The following SLC38A8 variants were observed in gnomAD, a reference collection of about 807,000 sequenced individuals.
The protein encoded by SLC38A8 is amino acid transporter SLC38A8.
SLC38A8 carries 65 observed loss-of-function variants against 46.0 expected under a neutral mutation model. The ratio of observed to expected loss-of-function variants is 1.41; its 90% CI spans 1.16 to 1.74. SLC38A8 has a LOEUF of 1.74. Ranked by LOEUF, SLC38A8 falls within the 40% of genes most tolerant of loss-of-function variation. The pLI, the probability that SLC38A8 is intolerant of heterozygous loss-of-function variation, is 0.00. For missense variants in SLC38A8, 998 were observed against 567.9 expected, an observed-to-expected ratio of 1.76 and a Z score of -7.70; for synonymous variants, 447 against 243.7, an observed-to-expected ratio of 1.83 and a Z score of -7.77.
Position 84,022,852 on chromosome 16 carries a change from C to G in SLC38A8, c.728G>C (p.Arg243Pro). 1 of 1,610,550 alleles carries G rather than the reference C, an allele frequency of 6.2e-7. No homozygotes were observed. Among genetic ancestry groups the G allele is most frequent in the Non-Finnish European group, 8.5e-7 (1 of 1,178,614 alleles). Residue 243 changes from arginine (R) to proline (P), a missense_variant, in exon 7 of 11, where the codon CGC becomes CCC. Arg to Pro is a moderately radical substitution (Grantham distance 103). Coordinates refer to ENST00000299709, the MANE Select transcript of SLC38A8 (RefSeq NM_001080442.3). ...GGCCCAGTGGGAGAGGCTCCGTTTGCGCATGCTGCAGTAGATGGAGACGGC... is the reference window on the plus strand; with the variant it reads ...GGCCCAGTGGGAGAGGCTCCGTTTGGGCATGCTGCAGTAGATGGAGACGGC... ...EAAVSIYCSM[R>P]KRSLSHWALV...
Position 84,041,977 on chromosome 16 carries a change from C to A in SLC38A8, c.181G>T (p.Val61Leu). The stretch of plus-strand genomic sequence containing the variant: ...ACTTCCCGGGGACTTACCAGCTCCA[C>A]CAGGAAGGCAGGGACCACTCCGCCC... The part of the protein sequence containing the change: ...KAGGVVPAFL[V>L]ELVSLVFLIS... The change falls in exon 2 of 11, where the codon GTG becomes TTG. Residue 61 changes from valine to leucine, a missense_variant. Coordinates refer to ENST00000299709, the MANE Select transcript of SLC38A8 (RefSeq NM_001080442.3). The A allele has an allele frequency of 6.3e-7, 1 of 1,591,614 alleles. No homozygotes were observed. The highest frequency in any genetic ancestry group is 8.6e-7 in the Non-Finnish European group (1 of 1,167,680).
intron 6 of SLC38A8, among the ~76,000 whole-genome samples, chr16:84,027,022 T>A (rs183376481): frequency 3.3e-5 from 5 of 152,116 alleles, no homozygotes; most frequent in Admixed American, 2.0e-4. Flanking sequence ...AATGGCACGG[T>A]ATATGCATCC....
At chr16:84,041,877 C>T (rs57933451) in intron 2 of SLC38A8, 92 bp downstream of exon 2, 32,184 of 1,173,862 alleles carry the variant, frequency 0.027, 1,287 homozygotes, top group African/African-American at 0.18. Context: ...TTACAGGACA[C>T]GCAACTCCGC....
intron 3 of SLC38A8, among the ~76,000 whole-genome samples, chr16:84,036,125 G>A (rs929174889): frequency 3.9e-5 from 6 of 152,130 alleles, no homozygotes; most frequent in African/African-American, 1.4e-4. Context: ...AACCGTGAAG[G>A]AATCTAAAAA....
chr16:84,031,445 G>T lies in SLC38A8; in HGVS notation c.632+422C>A, dbSNP rs184103766. On this transcript the variant is annotated intron_variant, in intron 5 of 10. Transcript: ENST00000299709. ...GAGCAAAACCAAACTCCTCGCCGTG[G>T]CTCTGAATCCCTGTACGACATCCCC... Among the ~76,000 whole-genome samples the T allele has an allele frequency of 2.6e-5, 4 of 152,288 alleles. No homozygotes were observed. In the East Asian group the frequency reaches 7.7e-4, roughly 29 times the overall value.
rs1426077513 is a variant in SLC38A8, at chr16:84,016,592, C to CAGCGCCATGGCG, written c.1077_1088dup (p.Ala360_Leu363dup). On this transcript the variant is annotated inframe_insertion, in exon 9 of 11. Transcript: ENST00000299709. ...CGATCTCGCTGAGGTCAGGCATAAA[C>CAGCGCCATGGCG]AGCGCCATGGCGAGCGTCACGGTGA... 1.2e-6 allele frequency: 2 copies of CAGCGCCATGGCG among 1,613,958 alleles called. No homozygotes were observed. Among genetic ancestry groups the CAGCGCCATGGCG allele is most frequent in the Non-Finnish European group, 1.7e-6 (2 of 1,180,032 alleles).
chr16:84,014,886 C>T (rs949040714), intron 9 of SLC38A8, among the ~76,000 whole-genome samples: 6 of 152,140 alleles, frequency 3.9e-5, no homozygotes, highest in African/African-American at 7.2e-5. Context: ...CCCCCACCTC[C>T]GGGGTATTGA....
intron 7 of SLC38A8, among the ~76,000 whole-genome samples, chr16:84,018,598 C>T (rs2085059516): frequency 6.6e-6 from 1 of 152,108 alleles, no homozygotes; most frequent in Non-Finnish European, 1.5e-5. Context: ...ATCCATTAAG[C>T]CCCTGCCCCA....
intron 10 of SLC38A8, among the ~76,000 whole-genome samples, chr16:84,012,723 C>A (rs2084968881): frequency 1.3e-5 from 2 of 152,234 alleles, no homozygotes; most frequent in South Asian, 2.1e-4. Flanking sequence ...AGATGCACCA[C>A]TGGGTGCTTC....
chr16:84,015,375 C>G (rs1012321380), intron 9 of SLC38A8, among the ~76,000 whole-genome samples: 1 of 152,016 alleles, frequency 6.6e-6, no homozygotes, highest in East Asian at 1.9e-4. Flanking sequence ...AACCATCCTT[C>G]GCAGAAACGG....
intron 6 of SLC38A8, among the ~76,000 whole-genome samples, chr16:84,025,682 C>A (rs2085155364): frequency 6.6e-6 from 1 of 152,206 alleles, no homozygotes; most frequent in South Asian, 2.1e-4. Flanking sequence ...ACTCATGAGT[C>A]CTCCTCGGTG....
chr16:84,032,282 G>A (rs1567700940), intron 4 of SLC38A8, among the ~76,000 whole-genome samples: 2 of 152,108 alleles, frequency 1.3e-5, no homozygotes, highest in South Asian at 2.1e-4. Flanking sequence ...TCTGCCTCCC[G>A]GGTTCAAGCA....
chr16:84,029,357 C>T (rs1437439179), intron 6 of SLC38A8, 137 bp downstream of exon 6: 7 of 791,078 alleles, frequency 8.8e-6, no homozygotes, highest in African/African-American at 3.5e-5. Context: ...CACAGGTGGG[C>T]GGCACAGAGC....
At chr16:84,027,947 T>C (rs573871557) in intron 6 of SLC38A8, among the ~76,000 whole-genome samples, 6 of 152,056 alleles carry the variant, frequency 3.9e-5, no homozygotes, top group African/African-American at 1.4e-4. Context: ...ATATTGGGCG[T>C]GCAGGAAGCA....
intron 1 of SLC38A8, 29 bp from the exon 2 acceptor site, chr16:84,042,188 G>A (rs907121221): frequency 2.2e-5 from 35 of 1,583,868 alleles, no homozygotes; most frequent in Non-Finnish European, 2.8e-5. Context: ...TGGAGAGAAA[G>A]CACAGTCTTC....
In SLC38A8 at chr16:84,033,497, C is replaced by T. The variant is rs776011608; in HGVS notation, c.389-28G>A. ...GCCAGAGACACGGGGAGAGCTGAGC[C>T]ACAGAGTACAAATGCCGTGGGTTCT... On this transcript the variant is annotated intron_variant, in intron 3 of 10. Coordinates refer to ENST00000299709, the MANE Select transcript of SLC38A8 (RefSeq NM_001080442.3). 4 of 1,568,356 alleles carry T rather than the reference C, an allele frequency of 2.6e-6. No homozygotes were observed. The African/African-American group carries it at 4.1e-5, about 16-fold the overall frequency.
chr16:84,017,413 T>C (rs1236442846), intron 7 of SLC38A8, 126 bp from the exon 8 acceptor site: 7 of 1,148,318 alleles, frequency 6.1e-6, no homozygotes, highest in Non-Finnish European at 7.3e-6. Flanking sequence ...AAGAAGGTTC[T>C]GGAAGGGATA....
Position 84,036,602 on chromosome 16 carries a change from G to A in SLC38A8, c.388+100C>T, listed in dbSNP as rs2085301738. The A allele has an allele frequency of 3.6e-6, 5 of 1,372,482 alleles. No individual in the cohort carries two copies. In the South Asian group the frequency reaches 5.2e-5, roughly 14 times the overall value. The allele number at this position is 1,372,482 out of a possible 1,614,324, so 85.0% of individuals were successfully genotyped here. A position where few individuals can be genotyped will look rare whatever the true frequency, so the allele number is the denominator to read the frequency against. ...GGTTTCAGCCTCTGCTGTCCCTCAG[G>A]GCCCAGGCCAGGGCCCCACGTCCTG... On this transcript the variant is annotated intron_variant, in intron 3 of 10. Coordinates refer to ENST00000299709, the MANE Select transcript of SLC38A8 (RefSeq NM_001080442.3).
At chr16:84,021,951 T>C (rs1597258347) in intron 7 of SLC38A8, among the ~76,000 whole-genome samples, 1 of 152,176 alleles carries the variant, frequency 6.6e-6, no homozygotes, top group South Asian at 2.1e-4. Context: ...CTTCTTCTTC[T>C]TATAAAGCCA....
Sources: gnomAD v4.1 joint callset for allele counts (sites outside exome capture counted in the v4.1 genomes callset) on GRCh38, gnomAD v4.1.1 for gene constraint, MANE v1.5 for transcripts, NCBI Gene and HGNC (gene_info 2026-07-23, HGNC 2026-07-21) for gene names.